The following CHCHD3 variants were observed in gnomAD, a reference collection of about 807,000 sequenced individuals.
CHCHD3 encodes the protein MICOS complex subunit MIC19.
Under a neutral mutation model 38.2 loss-of-function variants are expected in CHCHD3, and 20 were observed. The ratio of observed to expected loss-of-function variants is 0.52; its 90% CI spans 0.37 to 0.76. CHCHD3 has a LOEUF of 0.76. Ranked by LOEUF, CHCHD3 falls within the 30% of genes least tolerant of loss-of-function variation. CHCHD3 has a pLI of 0.00. For synonymous variants in CHCHD3, 82 were observed against 100.0 expected (o/e 0.82, Z 1.07); for missense variants, 245 against 279.2 (o/e 0.88, Z 0.87).
At chr7:132,832,120 C>T (rs1807666295) in intron 6 of CHCHD3, among the ~76,000 whole-genome samples, 1 of 151,994 alleles carries the variant, frequency 6.6e-6, no homozygotes, top group African/African-American at 2.4e-5. Flanking sequence ...TTGAAGAAAA[C>T]CTTTAAAGAT....
Position 132,863,747 on chromosome 7 carries a change from A to G in CHCHD3, c.453+21915T>C, listed in dbSNP as rs978477882. On this transcript the variant is annotated intron_variant, in intron 5 of 7. Coordinates refer to ENST00000262570, the MANE Select transcript of CHCHD3 (RefSeq NM_017812.4). ...GCAGATTTTCTGGATACCTTGCTCC[A>G]GCTTCCACATCAGCACCTAGTGCTT... Among the ~76,000 whole-genome samples the G allele has an allele frequency of 2.0e-5, 3 of 152,264 alleles. No homozygotes were observed. The East Asian group carries it at 5.8e-4, about 29-fold the overall frequency.
intron 6 of CHCHD3, among the ~76,000 whole-genome samples, chr7:132,797,234 G>C (rs1806642901): frequency 6.6e-6 from 1 of 151,754 alleles, no homozygotes; most frequent in Admixed American, 6.6e-5. Context: ...CCCAATTCAG[G>C]GTTTCGTTCT....
intron 1 of CHCHD3, among the ~76,000 whole-genome samples, chr7:133,075,882 AC>A (rs1814974904): frequency 6.6e-6 from 1 of 151,916 alleles, no homozygotes; most frequent in African/African-American, 2.4e-5. Context: ...ACACGGTGAA[AC>A]CCCATCTCTA....
chr7:133,043,185 T>C (rs566213648), intron 2 of CHCHD3, among the ~76,000 whole-genome samples: 1 of 152,334 alleles, frequency 6.6e-6, no homozygotes, highest in Non-Finnish European at 1.5e-5. Flanking sequence ...ACAAAGTTTA[T>C]TGTAATAATC....
intron 5 of CHCHD3, among the ~76,000 whole-genome samples, chr7:132,881,864 C>A (rs1300027874): frequency 1.3e-5 from 2 of 152,264 alleles, no homozygotes; most frequent in East Asian, 3.9e-4. Flanking sequence ...TCTTTACAAT[C>A]TTTTGCATTA....
intron 6 of CHCHD3, among the ~76,000 whole-genome samples, chr7:132,829,769 C>G (rs1055967662): frequency 6.6e-6 from 1 of 152,114 alleles, no homozygotes; most frequent in Admixed American, 6.5e-5. Context: ...CCAAAGTGAC[C>G]CTTTTGGTCT....
intron 2 of CHCHD3, among the ~76,000 whole-genome samples, chr7:133,051,784 A>G (rs1455563696): frequency 6.6e-6 from 1 of 152,208 alleles, no homozygotes; most frequent in Non-Finnish European, 1.5e-5. Context: ...ATGTAGCTAT[A>G]TAACTATAGC....
intron 2 of CHCHD3, among the ~76,000 whole-genome samples, chr7:133,061,467 C>CA (rs374637066): frequency 0.34 from 39,193 of 114,312 alleles, 5,519 homozygotes; most frequent in Middle Eastern, 0.43. Context: ...TGTGGACAAG[C>CA]AAAAAAAAAA....
intron 2 of CHCHD3, among the ~76,000 whole-genome samples, chr7:133,048,993 A>T (rs1814072553): frequency 6.6e-6 from 1 of 152,240 alleles, no homozygotes; most frequent in Non-Finnish European, 1.5e-5. Context: ...TTTCAATTCC[A>T]TAACCTCTTA....
rs149471935 is a variant in CHCHD3 at position 132,873,098 on chromosome 7, A to C, written c.453+12564T>G. ...GAGAGAGATTCTGTCTCAAAAATTA[A>C]ATAAATAAATAAAAATGAAGAGGGG... is the stretch of plus-strand genomic sequence containing the variant. On this transcript the variant is annotated intron_variant, in intron 5 of 7. Coordinates refer to ENST00000262570, the MANE Select transcript of CHCHD3 (RefSeq NM_017812.4). 6.8e-3 allele frequency among the ~76,000 whole-genome samples: 1,041 copies of C among 152,076 alleles called. 14 individuals are homozygous for C. Among genetic ancestry groups the C allele is most frequent in the African/African-American group, 0.024 (989 of 41,464 alleles).
intron 6 of CHCHD3, among the ~76,000 whole-genome samples, chr7:132,835,631 ACCTATCTTTCTCTATGAAATCCACTCTC>A (rs1807762316): frequency 6.6e-6 from 1 of 152,102 alleles, no homozygotes; most frequent in African/African-American, 2.4e-5. Context: ...TAAAATCCAG[ACCTATCTTTCTCTATGAAATCCACTCTC>A]CACTGATTTT....
At chr7:132,984,143 G>C (rs1247647409) in intron 3 of CHCHD3, among the ~76,000 whole-genome samples, 1 of 151,264 alleles carries the variant, frequency 6.6e-6, no homozygotes, top group African/African-American at 2.4e-5. Context: ...CTGCCATCTC[G>C]GCTCACTGCA....
intron 4 of CHCHD3, among the ~76,000 whole-genome samples, chr7:132,956,576 T>C (rs1457849409): frequency 6.6e-6 from 1 of 152,256 alleles, no homozygotes. Flanking sequence ...TATAATGTCA[T>C]TATAATCACA....
chr7:132,930,839 G>A (rs1460224567), intron 4 of CHCHD3, among the ~76,000 whole-genome samples: 1 of 152,092 alleles, frequency 6.6e-6, no homozygotes, highest in African/African-American at 2.4e-5. Flanking sequence ...AAATCCCTAT[G>A]CCCCTTGCAG....
At position 132,997,343 on chromosome 7, in the gene CHCHD3, C is replaced by T. The variant is rs115740594; in HGVS notation, c.252-22057G>A. On this transcript the variant is annotated intron_variant, in intron 3 of 7. Coordinates refer to ENST00000262570, the MANE Select transcript of CHCHD3 (RefSeq NM_017812.4). Reference sequence around the variant, plus strand: ...GGATGTTTTAAAATCAAACTACCTCCCCCTCATTAAGTTCTAATCCATTGT... The same window carrying T: ...GGATGTTTTAAAATCAAACTACCTCTCCCTCATTAAGTTCTAATCCATTGT... 2.1e-3 allele frequency among the ~76,000 whole-genome samples: 323 copies of T among 152,176 alleles called. 2 individuals carry two copies. The highest frequency in any genetic ancestry group is 7.5e-3 in the African/African-American group (311 of 41,520).
At chr7:132,817,601 C>T (rs1165954111) in intron 6 of CHCHD3, among the ~76,000 whole-genome samples, 2 of 152,092 alleles carry the variant, frequency 1.3e-5, no homozygotes, top group African/African-American at 4.8e-5. Flanking sequence ...AGACTGTGCA[C>T]ACATGTCTCC....
intron 4 of CHCHD3, among the ~76,000 whole-genome samples, chr7:132,938,578 T>TTAC (rs1810685909): frequency 3.0e-5 from 1 of 33,098 alleles, no homozygotes; most frequent in African/African-American, 1.4e-4. Context: ...CTAAAGTACA[T>TTAC]CACCCAGGTA....
At chr7:132,816,935 C>T (rs564216213) in intron 6 of CHCHD3, among the ~76,000 whole-genome samples, 2 of 151,998 alleles carry the variant, frequency 1.3e-5, no homozygotes, top group African/African-American at 2.4e-5. Flanking sequence ...AAATGGCATA[C>T]AAAAGCCTGA....
At chr7:132,968,567 T>C (rs147611346) in intron 4 of CHCHD3, among the ~76,000 whole-genome samples, 78 of 152,276 alleles carry the variant, frequency 5.1e-4, no homozygotes, top group South Asian at 1.2e-3. Flanking sequence ...AGAAAACCAG[T>C]ACACAACATA....
Sources: allele counts gnomAD v4.1 joint callset (sites outside exome capture counted in the v4.1 genomes callset), GRCh38; gene constraint gnomAD v4.1.1; transcripts MANE v1.5; gene names NCBI Gene and HGNC (gene_info 2026-07-23, HGNC 2026-07-21).